Variants in MED12L observed in about 807,000 individuals in gnomAD.
The protein encoded by MED12L is mediator of RNA polymerase II transcription subunit 12-like protein.
A neutral mutation model predicts 281.3 loss-of-function variants in MED12L; 60 were observed. The observed-to-expected ratio is 0.21, with a 90% CI of 0.17 to 0.26. The LOEUF is 0.26. MED12L is among the 10% of genes least tolerant of loss of function. MED12L has a pLI of 1.00. For missense variants in MED12L, 2,146 were observed against 2,680.9 expected (o/e 0.80, Z 4.41); for synonymous variants, 974 against 987.2 (o/e 0.99, Z 0.25).
chr3:151,382,467 G>A (rs374195229), intron 32 of MED12L, among the ~76,000 whole-genome samples, 189 bp from the exon 33 acceptor site: 1 of 151,936 alleles, frequency 6.6e-6, no homozygotes, highest in Non-Finnish European at 1.5e-5. Context: ...CACCTAGAAC[G>A]GCAAATGCAC....
At chr3:151,100,115 G>A (rs970925865) in intron 2 of MED12L, among the ~76,000 whole-genome samples, 2 of 152,212 alleles carry the variant, frequency 1.3e-5, no homozygotes, top group Non-Finnish European at 2.9e-5. Flanking sequence ...AGGACCCAAG[G>A]GAAGTGATAG....
intron 8 of MED12L, among the ~76,000 whole-genome samples, chr3:151,162,634 T>C (rs188918844): frequency 6.6e-6 from 1 of 152,074 alleles, no homozygotes; most frequent in African/African-American, 2.4e-5. Context: ...AGATGGGGTT[T>C]CACTGTGTTG....
At chr3:151,429,603 T>C (rs527256090) in intron 43 of MED12L, among the ~76,000 whole-genome samples, 2 of 152,334 alleles carry the variant, frequency 1.3e-5, no homozygotes, top group African/African-American at 4.8e-5. Context: ...TTTTTTCCTC[T>C]TTGGAATAAC....
At chr3:151,385,265 G>A in intron 36 of MED12L, 74 bp downstream of exon 36, 2 of 816,610 alleles carry the variant, frequency 2.4e-6, no homozygotes, top group South Asian at 2.0e-5. Context: ...TCTTACCATA[G>A]GATATATAAA....
At chr3:151,236,485 C>T (rs933564854) in intron 16 of MED12L, among the ~76,000 whole-genome samples, 4 of 152,182 alleles carry the variant, frequency 2.6e-5, no homozygotes, top group African/African-American at 9.7e-5. Flanking sequence ...TAATCTCCTT[C>T]AGACTCAGTA....
At chr3:151,189,505 C>T (rs1016607278) in intron 13 of MED12L, among the ~76,000 whole-genome samples, 2 of 152,198 alleles carry the variant, frequency 1.3e-5, no homozygotes, top group Non-Finnish European at 2.9e-5. Flanking sequence ...TTGCTTCCCT[C>T]GTTTCTTCCC....
chr3:151,342,919 C>T (rs1040834358), intron 16 of MED12L, among the ~76,000 whole-genome samples: 2 of 152,084 alleles, frequency 1.3e-5, no homozygotes, highest in South Asian at 2.1e-4. Flanking sequence ...CTCTGAAGTA[C>T]GCGTATCATC....
At chr3:151,362,465 G>T (rs948033363) in intron 21 of MED12L, among the ~76,000 whole-genome samples, 2 of 151,906 alleles carry the variant, frequency 1.3e-5, no homozygotes, top group Admixed American at 1.3e-4. Flanking sequence ...TGTGATACTT[G>T]TCCTCAGTTA....
At position 151,317,263 on chromosome 3, in the gene MED12L, C is replaced by T. The variant is rs181425600; in HGVS notation, c.2251-32796C>T. On this transcript the variant is annotated intron_variant, in intron 16 of 44. Transcript: ENST00000687756. ...TGAAATCTGTAGACATATTTTTACA[C>T]ATACACAATAGACATATTTTTACAC... Among the ~76,000 whole-genome samples the T allele has an allele frequency of 1.5e-3, 220 of 151,336 alleles. 3 individuals are homozygous for T. The highest frequency in any genetic ancestry group is 4.7e-3 in the African/African-American group (190 of 40,858).
intron 4 of MED12L, among the ~76,000 whole-genome samples, chr3:151,124,563 G>A (rs540974556): frequency 2.2e-4 from 33 of 152,292 alleles, no homozygotes; most frequent in African/African-American, 7.7e-4. Context: ...ATAATAGAAA[G>A]TTCAAATACT....
chr3:151,253,785 C>T (rs747979817), intron 16 of MED12L, among the ~76,000 whole-genome samples: 14 of 152,070 alleles, frequency 9.2e-5, no homozygotes, highest in Non-Finnish European at 1.8e-4. Context: ...CCAGGCTGTC[C>T]AGGATTACTT....
chr3:151,421,401 T>G (rs75155004), intron 43 of MED12L, among the ~76,000 whole-genome samples: 3 of 37,056 alleles, frequency 8.1e-5, no homozygotes, highest in South Asian at 1.2e-3. Flanking sequence ...TTACTGTGTT[T>G]TTTTTTTTTG....
chr3:151,375,496 T>C (rs956799992), intron 27 of MED12L, among the ~76,000 whole-genome samples: 2 of 152,212 alleles, frequency 1.3e-5, no homozygotes, highest in African/African-American at 2.4e-5. Context: ...ATTGCACTTC[T>C]ATGAAATTAC....
At position 151,337,844 on chromosome 3, in the gene MED12L, A is replaced by G. The variant is rs772596809; in HGVS notation, c.2251-12215A>G. 5.0e-6 allele frequency: 8 copies of G among 1,614,068 alleles called. No individual in the cohort carries two copies. The South Asian group carries it at 7.7e-5, about 16-fold the overall frequency. On this transcript the variant is annotated intron_variant, in intron 16 of 44. Coordinates refer to ENST00000687756, the MANE Select transcript of MED12L (RefSeq NM_001393769.1). The stretch of plus-strand genomic sequence containing the variant: ...ACATTGGAGTCTCTTCATTTGGGTC[A>G]CCACCATCCTGTTCTTTTTTCCTAT...
intron 39 of MED12L, among the ~76,000 whole-genome samples, chr3:151,409,033 G>GAA (rs879481973): frequency 5.9e-5 from 9 of 152,212 alleles, no homozygotes; most frequent in Non-Finnish European, 8.8e-5. Flanking sequence ...TTATCATTGG[G>GAA]AAAATCTGTA....
intron 17 of MED12L, among the ~76,000 whole-genome samples, chr3:151,353,349 A>G (rs1198670921): frequency 3.3e-5 from 5 of 152,250 alleles, no homozygotes; most frequent in African/African-American, 9.6e-5. Context: ...ATGACATGTG[A>G]GCAGCTACAG....
intron 17 of MED12L, among the ~76,000 whole-genome samples, chr3:151,351,819 C>A (rs1329765290): frequency 2.6e-5 from 4 of 152,126 alleles, no homozygotes. Flanking sequence ...AATGTGGTAT[C>A]CTTTTCTGTT....
intron 16 of MED12L, among the ~76,000 whole-genome samples, chr3:151,228,218 GC>G (rs1372336081): frequency 5.9e-5 from 9 of 152,180 alleles, no homozygotes; most frequent in African/African-American, 2.2e-4. Context: ...GATACAGTGG[GC>G]CTTGGCTACA....
chr3:151,195,158 G>C (rs576828770), intron 16 of MED12L, among the ~76,000 whole-genome samples: 1 of 152,266 alleles, frequency 6.6e-6, no homozygotes, highest in South Asian at 2.1e-4. Flanking sequence ...GGGAGACTCT[G>C]TCTCAAAATA....
Sources: allele counts gnomAD v4.1 joint callset (sites outside exome capture counted in the v4.1 genomes callset), GRCh38; gene constraint gnomAD v4.1.1; transcripts MANE v1.5; gene names NCBI Gene and HGNC (gene_info 2026-07-23, HGNC 2026-07-21).